The following QRFPR variants were observed in gnomAD, a reference collection of about 807,000 sequenced individuals.
The protein encoded by QRFPR is pyroglutamylated RFamide peptide receptor.
In QRFPR, 37 loss-of-function variants were observed where a neutral mutation model predicts 31.3. The observed-to-expected ratio is 1.18, with a 90% CI of 0.91 to 1.56. The LOEUF (loss-of-function observed/expected upper bound fraction) is 1.56. Among genes scored for constraint, QRFPR ranks in the 40% most tolerant of loss-of-function variants. The pLI, the probability that QRFPR is intolerant of heterozygous loss-of-function variation, is 0.00. For missense variants in QRFPR, 542 were observed against 532.5 expected (o/e 1.02, Z -0.18); for synonymous variants, 197 against 192.0 (o/e 1.03, Z -0.22).
intron 1 of QRFPR, among the ~76,000 whole-genome samples, chr4:121,378,065 T>TA (rs1200402181): frequency 3.3e-5 from 5 of 152,206 alleles, no homozygotes; most frequent in Admixed American, 6.5e-5. Context: ...ATTCTATAAA[T>TA]CTGGTCCCAG....
chr4:121,354,740 T>C (rs1485657458), intron 1 of QRFPR, among the ~76,000 whole-genome samples: 1 of 152,058 alleles, frequency 6.6e-6, no homozygotes, highest in Non-Finnish European at 1.5e-5. Flanking sequence ...ACCCAATTGT[T>C]TGAGAGATTT....
chr4:121,364,510 G>T (rs575553115), intron 1 of QRFPR, among the ~76,000 whole-genome samples: 9 of 149,078 alleles, frequency 6.0e-5, no homozygotes, highest in African/African-American at 2.0e-4. Context: ...CATGGTGGCG[G>T]GTGCCTATAG....
chr4:121,337,444 T>C (rs1328515267), intron 2 of QRFPR, among the ~76,000 whole-genome samples: 1 of 152,220 alleles, frequency 6.6e-6, no homozygotes, highest in East Asian at 1.9e-4. Context: ...TACTCACTTC[T>C]CAATTTCCTC....
intron 5 of QRFPR, among the ~76,000 whole-genome samples, chr4:121,330,070 G>T (rs1446221157): frequency 6.6e-6 from 1 of 152,098 alleles, no homozygotes; most frequent in African/African-American, 2.4e-5. Flanking sequence ...GTAAGTCCTG[G>T]GTTATCAGAA....
At chr4:121,349,208 A>C (rs1057194195) in intron 1 of QRFPR, among the ~76,000 whole-genome samples, 1 of 152,008 alleles carries the variant, frequency 6.6e-6, no homozygotes, top group African/African-American at 2.4e-5. Flanking sequence ...TGTTATGGGG[A>C]TGTGTTGAAA....
intron 1 of QRFPR, among the ~76,000 whole-genome samples, chr4:121,348,388 G>A (rs183545549): frequency 7.9e-5 from 12 of 151,960 alleles, no homozygotes; most frequent in Admixed American, 7.9e-4. Flanking sequence ...CATATATTCT[G>A]CTTGGGATCA....
At position 121,380,508 on chromosome 4, in the gene QRFPR, G is replaced by T; in HGVS notation, c.140C>A (p.Ala47Asp). Reference protein sequence around the residue: ...TPELPGRAKLALVLTGVLIFA... With the variant: ...TPELPGRAKLDLVLTGVLIFA... ...GATGAGCACGCCGGTGAGCACGAGG[G>T]CCAGCTTGGCGCGTCCCGGCAGCTC... The change falls in exon 1 of 6, where the codon GCC (alanine) becomes GAC (aspartate). Residue 47 changes from alanine to aspartate, a missense_variant. Coordinates refer to ENST00000394427, the MANE Select transcript of QRFPR (RefSeq NM_198179.3). 1 of 1,614,090 alleles carries T rather than the reference G, an allele frequency of 6.2e-7. No individual in the cohort carries two copies. Among genetic ancestry groups the T allele is most frequent in the South Asian group, 1.1e-5 (1 of 91,064 alleles).
chr4:121,358,435 C>T (rs1207709857), intron 1 of QRFPR, among the ~76,000 whole-genome samples: 4 of 152,318 alleles, frequency 2.6e-5, no homozygotes, highest in Admixed American at 2.0e-4. Flanking sequence ...CTGGTACAAA[C>T]TAGCACAAGC....
At chr4:121,340,292 T>A (rs1197631614) in intron 2 of QRFPR, 160 bp downstream of exon 2, 8 of 715,494 alleles carry the variant, frequency 1.1e-5, no homozygotes, top group East Asian at 1.1e-4. Flanking sequence ...AGAGATGGTG[T>A]GGAGATGAAG....
chr4:121,364,331 T>C (rs1210596639), intron 1 of QRFPR, among the ~76,000 whole-genome samples: 1 of 150,310 alleles, frequency 6.7e-6, no homozygotes, highest in Non-Finnish European at 1.5e-5. Context: ...TAAGGCATGT[T>C]AATTGAAATG....
At chr4:121,341,902 A>G (rs987777127) in intron 1 of QRFPR, among the ~76,000 whole-genome samples, 9 of 152,106 alleles carry the variant, frequency 5.9e-5, no homozygotes, top group African/African-American at 2.2e-4. Context: ...CTTCCCTGAG[A>G]TCACTACCCC....
intron 2 of QRFPR, chr4:121,340,108 C>CAAAAAAAAA (rs58311512): frequency 5.3e-5 from 7 of 131,922 alleles, no homozygotes; most frequent in East Asian, 2.6e-4. Flanking sequence ...CACTCTGTCT[C>CAAAAAAAAA]AAAAAAAAAA....
chr4:121,370,260 C>T (rs949276122), intron 1 of QRFPR: 18 of 782,536 alleles, frequency 2.3e-5, no homozygotes, highest in East Asian at 1.5e-4. Context: ...GCTGAGTGCC[C>T]GGCGGTATAT....
At chr4:121,359,969 TA>T (rs1305816304) in intron 1 of QRFPR, among the ~76,000 whole-genome samples, 1 of 136,572 alleles carries the variant, frequency 7.3e-6, no homozygotes, top group Non-Finnish European at 1.7e-5. Context: ...TAAACACTAT[TA>T]TTTTTTTCAG....
chr4:121,360,264 G>A (rs1384656375), intron 1 of QRFPR, among the ~76,000 whole-genome samples: 1 of 152,092 alleles, frequency 6.6e-6, no homozygotes, highest in Non-Finnish European at 1.5e-5. Context: ...CTTTGTCATA[G>A]GCTCACCTAC....
At chr4:121,378,422 T>C (rs955398413) in intron 1 of QRFPR, among the ~76,000 whole-genome samples, 1,834 of 147,732 alleles carry the variant, frequency 0.012, 21 homozygotes, top group Non-Finnish European at 0.021. Context: ...TTTTTTTTTT[T>C]TTTTTTTTGA....
At chr4:121,376,329 A>G (rs952893958) in intron 1 of QRFPR, among the ~76,000 whole-genome samples, 3 of 152,200 alleles carry the variant, frequency 2.0e-5, no homozygotes, top group African/African-American at 7.2e-5. Flanking sequence ...GGTGGATGAA[A>G]GGAATTGAAT....
chr4:121,337,425 C>T (rs376745426), intron 2 of QRFPR, among the ~76,000 whole-genome samples: 27 of 152,138 alleles, frequency 1.8e-4, no homozygotes, highest in African/African-American at 4.8e-4. Context: ...GCAGTGTCTT[C>T]GTTGCCCTTA....
At chr4:121,358,737 T>C (rs1725917988) in intron 1 of QRFPR, among the ~76,000 whole-genome samples, 1 of 152,194 alleles carries the variant, frequency 6.6e-6, no homozygotes, top group Non-Finnish European at 1.5e-5. Flanking sequence ...TTTGTCCTTA[T>C]TTATGACATA....
Sources: gnomAD v4.1 joint callset for allele counts (sites outside exome capture counted in the v4.1 genomes callset) on GRCh38, gnomAD v4.1.1 for gene constraint, MANE v1.5 for transcripts, NCBI Gene and HGNC (gene_info 2026-07-23, HGNC 2026-07-21) for gene names.